The following ARB2A variants were observed in gnomAD, a reference collection of about 807,000 sequenced individuals.
ARB2A encodes the protein cotranscriptional regulator ARB2A.
chr5:93,753,878 C>G, the ARB2A span, among the ~76,000 whole-genome samples: 1 of 152,114 alleles, frequency 6.6e-6, no homozygotes, highest in Non-Finnish European at 1.5e-5. Flanking sequence ...TCCTCAATAG[C>G]ATGCAGAAAA....
chr5:93,867,065 A>C, the ARB2A span, among the ~76,000 whole-genome samples: 2 of 152,210 alleles, frequency 1.3e-5, no homozygotes, highest in African/African-American at 4.8e-5. Context: ...AATAATAGCT[A>C]AACAGATTTT....
the ARB2A span, among the ~76,000 whole-genome samples, chr5:93,667,809 T>C: frequency 2.0e-5 from 3 of 152,206 alleles, no homozygotes; most frequent in African/African-American, 4.8e-5. Flanking sequence ...TTCATTAGTT[T>C]TTTGGGCCAA....
the ARB2A span, among the ~76,000 whole-genome samples, chr5:94,085,593 C>T: frequency 5.3e-5 from 8 of 152,172 alleles, no homozygotes. Flanking sequence ...GAAGTCTCAC[C>T]ATCATTTCCT....
the ARB2A span, among the ~76,000 whole-genome samples, chr5:93,703,705 C>G: frequency 6.6e-6 from 1 of 152,138 alleles, no homozygotes; most frequent in African/African-American, 2.4e-5. Flanking sequence ...CACCAGTGGC[C>G]GAAGGGTGGC....
At chr5:93,688,762 C>T in the ARB2A span, among the ~76,000 whole-genome samples, 1 of 152,052 alleles carries the variant, frequency 6.6e-6, no homozygotes, top group East Asian at 1.9e-4. Flanking sequence ...ACACAATTGC[C>T]CAAACCAAAA....
the ARB2A span, among the ~76,000 whole-genome samples, chr5:93,747,931 A>G: frequency 6.6e-6 from 1 of 152,210 alleles, no homozygotes; most frequent in African/African-American, 2.4e-5. Context: ...CTCAAGAGGT[A>G]CAAAAGTGTA....
chr5:93,634,159 T>A, the ARB2A span, among the ~76,000 whole-genome samples: 1 of 151,884 alleles, frequency 6.6e-6, no homozygotes, highest in East Asian at 1.9e-4. Context: ...TCCCAGGACT[T>A]TGGGAAGCTG....
the ARB2A span, among the ~76,000 whole-genome samples, chr5:93,847,421 G>C: frequency 6.6e-6 from 1 of 152,078 alleles, no homozygotes; most frequent in Non-Finnish European, 1.5e-5. Flanking sequence ...AAAATGCAGA[G>C]AGAACTTTAC....
the ARB2A span, among the ~76,000 whole-genome samples, chr5:93,794,881 T>C: frequency 6.6e-5 from 10 of 152,152 alleles, no homozygotes; most frequent in African/African-American, 9.7e-5. Flanking sequence ...TTTGTGTTGA[T>C]TGGTCTCCAG....
chr5:93,950,503 C>G, the ARB2A span, among the ~76,000 whole-genome samples: 17 of 151,758 alleles, frequency 1.1e-4, no homozygotes, highest in African/African-American at 4.1e-4. Flanking sequence ...ATTAGCCAGG[C>G]GTGGTGGTGC....
At chr5:93,664,076 TTATAC>T in the ARB2A span, among the ~76,000 whole-genome samples, 1 of 152,056 alleles carries the variant, frequency 6.6e-6, no homozygotes, top group South Asian at 2.1e-4. Flanking sequence ...TTTTTTATTT[TTATAC>T]TTTTTTAGCG....
At chr5:93,676,422 A>G in the ARB2A span, among the ~76,000 whole-genome samples, 1 of 152,208 alleles carries the variant, frequency 6.6e-6, no homozygotes, top group South Asian at 2.1e-4. Flanking sequence ...CACATTGTTT[A>G]TGCTTCATTT....
At chr5:93,869,425 A>G in the ARB2A span, among the ~76,000 whole-genome samples, 1 of 152,216 alleles carries the variant, frequency 6.6e-6, no homozygotes, top group Non-Finnish European at 1.5e-5. Flanking sequence ...AGAATTAGGA[A>G]GAGCTTGGCC....
chr5:94,013,178 T>G, the ARB2A span, among the ~76,000 whole-genome samples: 1 of 149,522 alleles, frequency 6.7e-6, no homozygotes, highest in African/African-American at 2.5e-5. Context: ...AAGTTGTTTT[T>G]TTTTTTTTTT....
the ARB2A span, among the ~76,000 whole-genome samples, chr5:93,667,152 C>T: frequency 6.6e-6 from 1 of 152,096 alleles, no homozygotes; most frequent in Non-Finnish European, 1.5e-5. Context: ...CTTAATTATT[C>T]CTCTCTGCCT....
chr5:93,734,717 A>C, the ARB2A span: 2 of 152,210 alleles, frequency 1.3e-5, no homozygotes, highest in Admixed American at 6.5e-5. Flanking sequence ...AGTGTTTGAC[A>C]TCTGCCTTTA....
the ARB2A span, among the ~76,000 whole-genome samples, chr5:93,918,302 C>T: frequency 4.0e-5 from 6 of 151,836 alleles, no homozygotes; most frequent in East Asian, 1.9e-4. Flanking sequence ...ATTGTGTATA[C>T]GCATGTGTAA....
At chr5:94,083,763 A>G in the ARB2A span, among the ~76,000 whole-genome samples, 1 of 151,964 alleles carries the variant, frequency 6.6e-6, no homozygotes, top group Non-Finnish European at 1.5e-5. Flanking sequence ...CAAAGTTATC[A>G]TTATTTTCAA....
the ARB2A span, among the ~76,000 whole-genome samples, chr5:94,042,407 G>A: frequency 6.9e-6 from 1 of 145,422 alleles, no homozygotes; most frequent in Non-Finnish European, 1.5e-5. Flanking sequence ...CCGGGCTCAT[G>A]CCATTCTCCT....
Sources: allele counts gnomAD v4.1 joint callset (sites outside exome capture counted in the v4.1 genomes callset), GRCh38; gene constraint gnomAD v4.1.1; transcripts MANE v1.5; gene names NCBI Gene and HGNC (gene_info 2026-07-23, HGNC 2026-07-21).